MAVS: variants seen among roughly 807,000 people sequenced by gnomAD.
MAVS encodes mitochondrial antiviral-signaling protein.
A neutral mutation model predicts 30.2 loss-of-function variants in MAVS; 20 were observed. That is an observed-to-expected ratio of 0.66 (90% CI 0.47 to 0.96). The LOEUF is 0.96. Among genes scored for constraint, MAVS ranks in the 40% least tolerant of loss-of-function variants. The probability of loss-of-function intolerance (pLI) is 0.00; values close to 1 mark genes in which losing one functional copy is unlikely to be tolerated. For missense variants in MAVS, 624 were observed against 701.1 expected, an observed-to-expected ratio of 0.89 and a Z score of 1.24; for synonymous variants, 278 against 293.9, an observed-to-expected ratio of 0.95 and a Z score of 0.55.
chr20:3,853,301 C>G (rs201206917), intron 1 of MAVS, among the ~76,000 whole-genome samples: 1 of 150,386 alleles, frequency 6.6e-6, no homozygotes, highest in Non-Finnish European at 1.5e-5. Flanking sequence ...CCTGGCTAAC[C>G]CCGTGAAACC....
intron 1 of MAVS, among the ~76,000 whole-genome samples, chr20:3,853,744 T>C (rs1266431320): frequency 5.3e-5 from 8 of 151,998 alleles, no homozygotes; most frequent in Non-Finnish European, 1.2e-4. Flanking sequence ...CAGTGAACTA[T>C]TATTGCACCA....
In MAVS at chr20:3,874,352, T is replaced by C. The variant is rs2089975908; in HGVS notation, c.*8205T>C. 1 of 397,638 alleles carries C rather than the reference T, an allele frequency of 2.5e-6. No homozygotes were observed. The allele number at this position is 397,638 out of a possible 1,614,324, so 24.6% of individuals were successfully genotyped here. On this transcript the variant is annotated 3_prime_UTR_variant, in exon 7 of 7. Transcript: ENST00000428216. ...TGATTTCACGAGTATTGTCAGTTTG[T>C]TTCCAGACTCCCTGTTGGAGATGTG...
intron 3 of MAVS, among the ~76,000 whole-genome samples, chr20:3,860,711 C>G (rs2089859371): frequency 6.7e-6 from 1 of 148,468 alleles, no homozygotes; most frequent in Non-Finnish European, 1.5e-5. Flanking sequence ...GAGTCTTGCT[C>G]TGTTGCCCAG....
Position 3,854,630 on chromosome 20 carries a change from G to A in MAVS, c.6G>A (p.Pro2=), listed in dbSNP as rs544986945. The part of the protein sequence containing the change: M[P]FAEDKTYKYI... The stretch of plus-strand genomic sequence containing the variant: ...TCTCCAGAATCTGAGCAGCAATGCC[G>A]TTTGCTGAAGACAAGACCTATAAGT... Residue 2 remains proline (P), a synonymous_variant, in exon 2 of 7, where the codon CCG becomes CCA. Transcript: ENST00000428216. The A allele has an allele frequency of 6.2e-6, 10 of 1,611,616 alleles. No individual in the cohort carries two copies. In the African/African-American group the frequency reaches 1.1e-4, roughly 17 times the overall value.
intron 4 of MAVS, 66 bp downstream of exon 4, chr20:3,861,570 G>T: frequency 6.6e-7 from 1 of 1,526,124 alleles, no homozygotes; most frequent in African/African-American, 1.4e-5. Context: ...TCTGCCCATT[G>T]AGCCTTCCAG....
At chr20:3,852,007 T>TTTTC (rs1555779718) in intron 1 of MAVS, among the ~76,000 whole-genome samples, 1 of 57,050 alleles carries the variant, frequency 1.8e-5, no homozygotes, top group African/African-American at 5.6e-5. Flanking sequence ...TTTTTTTTTT[T>TTTTC]CCCCCGAGAC....
intron 1 of MAVS, among the ~76,000 whole-genome samples, chr20:3,852,096 G>A (rs2089766363): frequency 6.8e-6 from 1 of 146,304 alleles, no homozygotes; most frequent in African/African-American, 2.6e-5. Flanking sequence ...CCAGGTTCAC[G>A]CCATTCTCCT....
At position 3,865,764 on chromosome 20, in the gene MAVS, C is replaced by T; in HGVS notation, c.1240C>T (p.Leu414Phe). The T allele has an allele frequency of 6.2e-7, 1 of 1,613,684 alleles. No homozygotes were observed. The highest frequency in any genetic ancestry group is 8.5e-7 in the Non-Finnish European group (1 of 1,180,010). Reference protein sequence around the residue: ...WLDSSSENRGLGSELSKPGVL... With the variant: ...WLDSSSENRGFGSELSKPGVL... ...AGACAGCAGCTCTGAGAATAGGGGC[C>T]TTGGGTCGGAGCTGAGTAAGCCTGG... is the stretch of plus-strand genomic sequence containing the variant. The change falls in exon 7 of 7, where the codon CTT becomes TTT. Residue 414 changes from leucine to phenylalanine, a missense_variant. Transcript: ENST00000428216. This position sits in a 1 kb window ranked among gnomAD's most constrained non-coding sequence, Gnocchi z 4.7.
At chr20:3,859,945 T>G (rs1238963608) in intron 3 of MAVS, among the ~76,000 whole-genome samples, 1 of 147,018 alleles carries the variant, frequency 6.8e-6, no homozygotes, top group East Asian at 2.1e-4. Context: ...GCCTCCCGAG[T>G]AGCTGGGACT....
Position 3,851,136 on chromosome 20 carries a change from C to G in MAVS, c.-67-3422C>G, listed in dbSNP as rs914458002. On this transcript the variant is annotated intron_variant, in intron 1 of 6. Coordinates refer to ENST00000428216, the MANE Select transcript of MAVS (RefSeq NM_020746.5). Reference sequence around the variant, plus strand: ...AGGAGTTCAGGACCGGCCTGGCCAACATTAAAACATATAAAACCCCGTCTC... The same window carrying G: ...AGGAGTTCAGGACCGGCCTGGCCAAGATTAAAACATATAAAACCCCGTCTC... 2.0e-5 allele frequency among the ~76,000 whole-genome samples: 3 copies of G among 151,990 alleles called. No homozygotes were observed. The East Asian group carries it at 5.8e-4, about 30-fold the overall frequency.
intron 1 of MAVS, among the ~76,000 whole-genome samples, chr20:3,851,663 G>C (rs1036084283): frequency 1.3e-5 from 2 of 151,942 alleles, no homozygotes; most frequent in African/African-American, 4.8e-5. Flanking sequence ...CCTATCTTAA[G>C]AATGTATGTG....
In MAVS at chr20:3,865,630, G is replaced by T; in HGVS notation, c.1159-53G>T. On this transcript the variant is annotated intron_variant, in intron 6 of 6. Coordinates refer to ENST00000428216, the MANE Select transcript of MAVS (RefSeq NM_020746.5). This position sits in a 1 kb window ranked among gnomAD's most constrained non-coding sequence, Gnocchi z 4.7. ...CCTGGGAATGGGACCGCCCTACCAGGTTCGTCTCCCTGCCAACCCCAGTCC... is the reference window on the plus strand; with the variant it reads ...CCTGGGAATGGGACCGCCCTACCAGTTTCGTCTCCCTGCCAACCCCAGTCC... 6.7e-7 allele frequency: 1 copy of T among 1,499,476 alleles called. No individual in the cohort carries two copies. The allele number at this position is 1,499,476 out of a possible 1,614,324, so 92.9% of individuals were successfully genotyped here. A position where few individuals can be genotyped will look rare whatever the true frequency, so the allele number is the denominator to read the frequency against.
chr20:3,852,552 T>C (rs1447012149), intron 1 of MAVS, among the ~76,000 whole-genome samples: 1 of 152,128 alleles, frequency 6.6e-6, no homozygotes, highest in Non-Finnish European at 1.5e-5. Context: ...AGGACATTTA[T>C]AGGCACAGAA....
At chr20:3,856,200 G>C (rs569907485) in intron 2 of MAVS, among the ~76,000 whole-genome samples, 1 of 151,054 alleles carries the variant, frequency 6.6e-6, no homozygotes, top group Non-Finnish European at 1.5e-5. Context: ...GACTACAGGC[G>C]CCTGCCACCA....
intron 1 of MAVS, among the ~76,000 whole-genome samples, chr20:3,852,161 A>AT (rs1343124377): frequency 1.3e-5 from 2 of 151,690 alleles, no homozygotes; most frequent in Admixed American, 6.6e-5. Flanking sequence ...CGCCGGGCTA[A>AT]TTTTTTGTAT....
chr20:3,854,856 C>G (rs1349821431), intron 2 of MAVS, 115 bp downstream of exon 2: 2 of 602,316 alleles, frequency 3.3e-6, no homozygotes, highest in South Asian at 2.0e-5. Flanking sequence ...CCTTCTTCCT[C>G]TTGCTGTGTC....
rs1346170864 is a variant in MAVS, at chr20:3,864,606, T to C, written c.976T>C (p.Leu326=). 1 of 1,614,038 alleles carries C rather than the reference T, an allele frequency of 6.2e-7. No homozygotes were observed. Among genetic ancestry groups the C allele is most frequent in the African/African-American group, 1.3e-5 (1 of 74,938 alleles). Residue 326 remains leucine (L), a synonymous_variant, in exon 6 of 7, where the codon TTG becomes CTG. Transcript: ENST00000428216. ...ATCTGTCAGCACAGTGCCCTCCAAG[T>C]TGCCAACTAGCTCAAAGCCCCCTGG... ...PASVSTVPSK[L]PTSSKPPGAV...
At position 3,875,034 on chromosome 20, in the gene MAVS, G is replaced by A. The variant is rs1235089044; in HGVS notation, c.*8887G>A. The A allele has an allele frequency of 1.3e-5, 2 of 152,322 alleles. No individual in the cohort carries two copies. Among genetic ancestry groups the A allele is most frequent in the Non-Finnish European group, 2.9e-5 (2 of 68,040 alleles). 9.4% of individuals were successfully genotyped at this position (152,322 alleles called of 1,614,324 possible). ...CTAACTTAAAGCCCAGATCCTACAG[G>A]AAACCTTGATTAGACCCCTCTCTTT... On this transcript the variant is annotated 3_prime_UTR_variant, in exon 7 of 7. Coordinates refer to ENST00000428216, the MANE Select transcript of MAVS (RefSeq NM_020746.5).
At position 3,853,279 on chromosome 20, in the gene MAVS, A is replaced by G. The variant is rs539726067; in HGVS notation, c.-67-1279A>G. Among the ~76,000 whole-genome samples the G allele has an allele frequency of 7.0e-3, 1,050 of 150,280 alleles. 3 individuals are homozygous for G. Among genetic ancestry groups the G allele is most frequent in the African/African-American group, 9.1e-3 (373 of 41,092 alleles). On this transcript the variant is annotated intron_variant, in intron 1 of 6. Transcript: ENST00000428216. ...AGGCGGGCGCATCACGAGGTCAGTA[A>G]ATCGAGACCATCCTGGCTAACCCCG... is the stretch of plus-strand genomic sequence containing the variant.
Sources: gnomAD v4.1 joint callset for allele counts (sites outside exome capture counted in the v4.1 genomes callset) on GRCh38, gnomAD v4.1.1 for gene constraint, Gnocchi (gnomAD v3.1) non-coding constraint, MANE v1.5 for transcripts, NCBI Gene and HGNC (gene_info 2026-07-23, HGNC 2026-07-21) for gene names.